Variants in C8orf34 observed in about 807,000 individuals in gnomAD.
C8orf34 encodes chromosome 8 open reading frame 34, also known as uncharacterized protein C8orf34.
In C8orf34, 65 loss-of-function variants were observed where a neutral mutation model predicts 68.3. The observed-to-expected ratio is 0.95, with a 90% CI of 0.78 to 1.17. C8orf34 has a LOEUF of 1.17. Ranked by LOEUF, C8orf34 falls within the 50% of genes most tolerant of loss-of-function variation. The probability of loss-of-function intolerance (pLI) is 0.00; values close to 1 mark genes in which losing one functional copy is unlikely to be tolerated. For missense variants in C8orf34, 664 were observed against 655.4 expected (o/e 1.01, Z -0.14); for synonymous variants, 244 against 241.2 (o/e 1.01, Z -0.11).
chr8:68,545,978 A>G (rs898544425), intron 7 of C8orf34, among the ~76,000 whole-genome samples: 68 of 152,256 alleles, frequency 4.5e-4, no homozygotes, highest in African/African-American at 1.5e-3. Context: ...AAGCTTCTAC[A>G]TTATTATAAG....
In C8orf34 at chr8:68,663,834, C is replaced by T. The variant is rs186380718; in HGVS notation, c.1241+23323C>T. ...TGAGTTTCTGATTTTATGATTGTAA[C>T]CAAGTCCAAAATTCATAATGCTCAC... On this transcript the variant is annotated intron_variant, in intron 8 of 13. Transcript: ENST00000518698. 7.9e-5 allele frequency among the ~76,000 whole-genome samples: 12 copies of T among 152,252 alleles called. No individual in the cohort carries two copies. The East Asian group carries it at 1.9e-3, about 24-fold the overall frequency.
intron 7 of C8orf34, among the ~76,000 whole-genome samples, chr8:68,594,290 T>C (rs1817479488): frequency 6.6e-6 from 1 of 152,070 alleles, no homozygotes; most frequent in Non-Finnish European, 1.5e-5. Flanking sequence ...TGTCTGGTGT[T>C]GCTTTATATT....
chr8:68,655,942 C>T (rs986610803), intron 8 of C8orf34, among the ~76,000 whole-genome samples: 1 of 152,130 alleles, frequency 6.6e-6, no homozygotes, highest in African/African-American at 2.4e-5. Context: ...TTTTCAATTC[C>T]TTGGCCTGTG....
At chr8:68,525,845 T>C in intron 6 of C8orf34, 1 of 378,564 alleles carries the variant, frequency 2.6e-6, no homozygotes, top group Non-Finnish European at 5.0e-6. Flanking sequence ...CTGGTGTTTG[T>C]CTCTCTTTTT....
Position 68,470,826 on chromosome 8 carries a change from A to G in C8orf34, c.736+2006A>G, listed in dbSNP as rs560012230. On this transcript the variant is annotated intron_variant, in intron 4 of 13. Transcript: ENST00000518698. ...AATCCCAATCATGAGAAAGGAGCCC[A>G]CATGTCCTAATTACCTCCCAGGCTC... Among the ~76,000 whole-genome samples, 12 of 152,210 alleles carry G rather than the reference A, an allele frequency of 7.9e-5. No individual in the cohort carries two copies. In the South Asian group the frequency reaches 2.5e-3, roughly 32 times the overall value.
chr8:68,645,562 G>GTTTT (rs1173955261), intron 8 of C8orf34, among the ~76,000 whole-genome samples: 2 of 152,008 alleles, frequency 1.3e-5, no homozygotes, highest in East Asian at 3.9e-4. Context: ...TTGTTTGTTT[G>GTTTT]TTTCTCGTTG....
At chr8:68,444,524 T>C (rs1811042796) in intron 2 of C8orf34, among the ~76,000 whole-genome samples, 1 of 152,174 alleles carries the variant, frequency 6.6e-6, no homozygotes. Context: ...AGGAATGTTC[T>C]ATCTAGTTCT....
intron 1 of C8orf34, among the ~76,000 whole-genome samples, chr8:68,339,919 T>G (rs1423823995): frequency 2.6e-5 from 4 of 152,016 alleles, no homozygotes; most frequent in African/African-American, 9.7e-5. Flanking sequence ...ATACTTTTCT[T>G]AAAACACTAT....
intron 10 of C8orf34, among the ~76,000 whole-genome samples, chr8:68,729,526 C>T (rs187245250): frequency 2.0e-5 from 3 of 152,260 alleles, no homozygotes; most frequent in South Asian, 2.1e-4. Flanking sequence ...ATTCCTCTAT[C>T]GCATTTCTTC....
At chr8:68,779,111 A>T (rs1585869764) in intron 11 of C8orf34, among the ~76,000 whole-genome samples, 1 of 151,324 alleles carries the variant, frequency 6.6e-6, no homozygotes, top group African/African-American at 2.4e-5. Context: ...CAGGAGTTTG[A>T]GTCTGCATTG....
intron 10 of C8orf34, among the ~76,000 whole-genome samples, chr8:68,763,930 C>G (rs904831165): frequency 2.0e-5 from 3 of 152,182 alleles, no homozygotes; most frequent in African/African-American, 4.8e-5. Context: ...CAAGATGTAT[C>G]TCTCTGGAGC....
At chr8:68,485,994 T>C (rs1364098536) in intron 4 of C8orf34, among the ~76,000 whole-genome samples, 3 of 152,206 alleles carry the variant, frequency 2.0e-5, no homozygotes, top group Non-Finnish European at 4.4e-5. Flanking sequence ...CATGTAAATA[T>C]AAGCATTTAA....
chr8:68,697,009 A>G (rs560290084), intron 8 of C8orf34, among the ~76,000 whole-genome samples: 2 of 151,880 alleles, frequency 1.3e-5, no homozygotes, highest in Admixed American at 6.6e-5. Flanking sequence ...TTGCATTTTC[A>G]TGCGTATTTT....
intron 7 of C8orf34, among the ~76,000 whole-genome samples, chr8:68,603,527 A>ATCTT (rs1298411421): frequency 4.7e-5 from 4 of 85,114 alleles, no homozygotes; most frequent in African/African-American, 1.1e-4. Flanking sequence ...ACATATATCT[A>ATCTT]TCTATCTATC....
chr8:68,600,718 T>A (rs1209194143), intron 7 of C8orf34, among the ~76,000 whole-genome samples: 2 of 152,188 alleles, frequency 1.3e-5, no homozygotes, highest in African/African-American at 4.8e-5. Flanking sequence ...GCCACAATAT[T>A]TGGGGTATTT....
chr8:68,466,997 G>C (rs1457125870), intron 3 of C8orf34, among the ~76,000 whole-genome samples: 2 of 151,664 alleles, frequency 1.3e-5, no homozygotes, highest in African/African-American at 4.8e-5. Context: ...AGTTTAAGTA[G>C]TACTATGAGA....
chr8:68,339,534 T>C (rs183851303), intron 1 of C8orf34, among the ~76,000 whole-genome samples: 438 of 152,110 alleles, frequency 2.9e-3, no homozygotes, highest in Non-Finnish European at 4.9e-3. Flanking sequence ...AGTTGTATTC[T>C]TATTTATGCA....
intron 10 of C8orf34, among the ~76,000 whole-genome samples, chr8:68,725,441 G>T (rs187409581): frequency 1.3e-4 from 20 of 152,182 alleles, no homozygotes; most frequent in Middle Eastern, 3.4e-3. Context: ...AAATGCCCAG[G>T]GTTTACTAAA....
chr8:68,626,128 A>G (rs1818531700), intron 7 of C8orf34, among the ~76,000 whole-genome samples: 1 of 152,156 alleles, frequency 6.6e-6, no homozygotes, highest in African/African-American at 2.4e-5. Flanking sequence ...AAGGGAAGTG[A>G]AGTAGAAAGG....
Sources: gnomAD v4.1 joint callset for allele counts (sites outside exome capture counted in the v4.1 genomes callset) on GRCh38, gnomAD v4.1.1 for gene constraint, MANE v1.5 for transcripts, NCBI Gene and HGNC (gene_info 2026-07-23, HGNC 2026-07-21) for gene names.